MYOM3: variants seen among roughly 807,000 people sequenced by gnomAD.
MYOM3 encodes the protein myomesin-3.
In MYOM3, 155 loss-of-function variants were observed where a neutral mutation model predicts 191.7. The observed-to-expected ratio is 0.81, with a 90% CI of 0.71 to 0.92. MYOM3 has a LOEUF of 0.92. Ranked by LOEUF, MYOM3 falls within the 40% of genes least tolerant of loss-of-function variation. The pLI is 0.00. For synonymous variants in MYOM3, 757 were observed against 762.9 expected (o/e 0.99, Z 0.13); for missense variants, 1,889 against 1,890.6 (o/e 1.00, Z 0.02).
At chr1:24,102,865 C>A (rs995187479) in intron 5 of MYOM3, among the ~76,000 whole-genome samples, 4 of 152,188 alleles carry the variant, frequency 2.6e-5, no homozygotes, top group Non-Finnish European at 4.4e-5. Context: ...TAATGATAAT[C>A]ATTGAATGAA....
intron 27 of MYOM3, 40 bp from the exon 28 acceptor site, chr1:24,067,128 A>T (rs1300178314): frequency 6.4e-7 from 1 of 1,550,796 alleles, no homozygotes; most frequent in Middle Eastern, 1.7e-4. Context: ...TCAGAGAGCC[A>T]GGCTCAGCCA....
Position 24,104,568 on chromosome 1 carries a change from C to T in MYOM3, c.560+1352G>A, listed in dbSNP as rs191850522. Among the ~76,000 whole-genome samples the T allele has an allele frequency of 2.6e-3, 402 of 152,202 alleles. 1 individual carries two copies. The highest frequency in any genetic ancestry group is 8.7e-3 in the African/African-American group (362 of 41,528). On this transcript the variant is annotated intron_variant, in intron 5 of 36. Transcript: ENST00000374434. ...TCGGCTCACTGCAACCTCCGCCTCC[C>T]GGGTTCAAGCGATTCTCTTGTCTCA...
chr1:24,094,840 TG>T lies in MYOM3; in HGVS notation c.928+12del. The T allele has an allele frequency of 6.2e-7, 1 of 1,606,914 alleles. No homozygotes were observed. The highest frequency in any genetic ancestry group is 8.5e-7 in the Non-Finnish European group (1 of 1,176,088). Reference sequence around the variant, plus strand: ...AGCTCTGGAGGCTGGGGGCCAGGACTGGGGGTCCTTACCATCTCGGAACCAC... The same window carrying T: ...AGCTCTGGAGGCTGGGGGCCAGGACTGGGGTCCTTACCATCTCGGAACCAC... On this transcript the variant is annotated intron_variant, in intron 9 of 36. Coordinates refer to ENST00000374434, the MANE Select transcript of MYOM3 (RefSeq NM_152372.4).
intron 16 of MYOM3, 141 bp downstream of exon 16, chr1:24,084,327 G>T: frequency 1.2e-6 from 1 of 850,672 alleles, no homozygotes. Context: ...GTTTCCTGAG[G>T]CCTCCCCAGA....
rs1405450991 is a variant in MYOM3 at position 24,090,983 on chromosome 1, A to G, written c.1246T>C (p.Ser416Pro). The G allele has an allele frequency of 1.9e-6, 3 of 1,613,064 alleles. No homozygotes were observed. The highest frequency in any genetic ancestry group is 2.5e-6 in the Non-Finnish European group (3 of 1,179,752). ...TCATGGCAGGCGATCCATTCCCCAG[A>G]CTCGCCCTGGCACCTGTTGGAGACA... ...AYTIERCQGE[S>P]GEWIACHEAP... is the part of the protein sequence containing the mutation. The change falls in exon 12 of 37, where the codon TCT becomes CCT. Residue 416 changes from serine to proline, a missense_variant. Coordinates refer to ENST00000374434, the MANE Select transcript of MYOM3 (RefSeq NM_152372.4).
Position 24,067,084 on chromosome 1 carries a change from G to A in MYOM3, c.3360C>T (p.Pro1120=). The A allele has an allele frequency of 6.4e-7, 1 of 1,573,152 alleles. No individual in the cohort carries two copies. The highest frequency in any genetic ancestry group is 1.2e-5 in the South Asian group (1 of 86,222). The change falls in exon 28 of 37, where the codon CCC becomes CCT. Residue 1120 remains proline (P), a synonymous_variant. Transcript: ENST00000374434. ...TCCACTGCAACGGCCGCTCAAAATA[G>A]GGACCTGTGCGTGCAAAACAAATGT... is the stretch of plus-strand genomic sequence containing the variant. ...KRRDWKRKQG[P]YFERPLQWKV...
chr1:24,068,364 G>A lies in MYOM3; in HGVS notation c.3154C>T (p.Arg1052Cys), dbSNP rs1173988510. The A allele has an allele frequency of 3.1e-6, 5 of 1,614,090 alleles. No homozygotes were observed. The highest frequency in any genetic ancestry group is 1.7e-5 in the Admixed American group (1 of 60,014). Residue 1052 changes from arginine to cysteine, a missense_variant, in exon 26 of 37, where the codon CGC (arginine) becomes TGC (cysteine). By Grantham distance (180) the Arg-to-Cys change is radical. Coordinates refer to ENST00000374434, the MANE Select transcript of MYOM3 (RefSeq NM_152372.4). ...NNKEIFSSPN[R>C]KINFDREKGL... ...TTCTCTCGGTCAAAATTGATTTTGC[G>A]GTTCTGAAAAGGACAAACTCCAGAG...
Position 24,089,614 on chromosome 1 carries a change from C to A in MYOM3, c.1538G>T (p.Arg513Leu). 6.3e-7 allele frequency: 1 copy of A among 1,595,072 alleles called. No individual in the cohort carries two copies. Among genetic ancestry groups the A allele is most frequent in the Non-Finnish European group, 8.5e-7 (1 of 1,171,106 alleles). The stretch of plus-strand genomic sequence containing the variant: ...CCAGGCCAGAACCACATAGGCCTCT[C>A]GGATCTCGCTGGCATGGACATTGGT... ...PPTNVHASEI[R>L]EAYVVLAWEE... Residue 513 changes from arginine to leucine, a missense_variant, in exon 14 of 37, where the codon CGA becomes CTA. Physicochemically the swap from Arg to Leu is moderately radical, Grantham distance 102. Coordinates refer to ENST00000374434, the MANE Select transcript of MYOM3 (RefSeq NM_152372.4).
intron 25 of MYOM3, among the ~76,000 whole-genome samples, chr1:24,069,531 T>G (rs888941358): frequency 7.9e-5 from 12 of 151,928 alleles, no homozygotes; most frequent in Admixed American, 4.6e-4. Flanking sequence ...ACATGTTTTC[T>G]TTCTTCTTTT....
intron 2 of MYOM3, 51 bp from the exon 3 acceptor site, chr1:24,108,124 C>A (rs547033199): frequency 1.3e-6 from 2 of 1,565,746 alleles, no homozygotes; most frequent in African/African-American, 2.7e-5. Flanking sequence ...TGGCTGGGGG[C>A]TCCCTGAGAT....
chr1:24,077,108 C>T (rs1643611113), intron 20 of MYOM3, among the ~76,000 whole-genome samples: 1 of 152,184 alleles, frequency 6.6e-6, no homozygotes, highest in Admixed American at 6.5e-5. Context: ...CAGGTGTCAG[C>T]CACTGCACCT....
chr1:24,081,853 G>A (rs1643673349), intron 18 of MYOM3, 148 bp downstream of exon 18: 1 of 761,180 alleles, frequency 1.3e-6, no homozygotes, highest in Non-Finnish European at 2.1e-6. Context: ...TGTTCAAGGT[G>A]GGTCTGCACT....
At position 24,075,397 on chromosome 1, in the gene MYOM3, G is replaced by A. The variant is rs1266787420; in HGVS notation, c.2780C>T (p.Ser927Phe). Residue 927 changes from serine (S) to phenylalanine (F), a missense_variant, in exon 22 of 37, where the codon TCC becomes TTC. Coordinates refer to ENST00000374434, the MANE Select transcript of MYOM3 (RefSeq NM_152372.4). Reference sequence around the variant, plus strand: ...GTCTTTGGACCACTGAAACTCTGAGGAGTCGGGGGCTTCAGGGGCTTCAAA... The same window carrying A: ...GTCTTTGGACCACTGAAACTCTGAGAAGTCGGGGGCTTCAGGGGCTTCAAA... ...LAFEAPEAPD[S>F]SEFQWSKDYK... The A allele has an allele frequency of 1.2e-6, 2 of 1,612,612 alleles. No individual in the cohort carries two copies. The highest frequency in any genetic ancestry group is 1.7e-6 in the Non-Finnish European group (2 of 1,179,626).
intron 25 of MYOM3, 148 bp downstream of exon 25, chr1:24,070,969 C>G: frequency 2.0e-6 from 2 of 1,011,076 alleles, no homozygotes; most frequent in Non-Finnish European, 2.9e-6. Context: ...TGTTCCCATC[C>G]CGTCCTCATC....
rs1260492440 is a variant in MYOM3 at position 24,057,307 on chromosome 1, A to G, written c.*57T>C. ...CTGTGCCAGGCTGTGACCCTGGTAC[A>G]GGTTGTCCCTACTGGTCCATGTAGA... is the stretch of plus-strand genomic sequence containing the variant. On this transcript the variant is annotated 3_prime_UTR_variant, in exon 37 of 37. Transcript: ENST00000374434. 2.6e-6 allele frequency: 4 copies of G among 1,556,010 alleles called. No individual in the cohort carries two copies. In the Admixed American group the frequency reaches 6.9e-5, roughly 27 times the overall value.
chr1:24,098,455 A>G (rs1487626768), intron 6 of MYOM3, among the ~76,000 whole-genome samples: 1 of 152,234 alleles, frequency 6.6e-6, no homozygotes, highest in African/African-American at 2.4e-5. Context: ...ACTGAGCCAG[A>G]CACCCAGGTG....
intron 14 of MYOM3, 85 bp downstream of exon 14, chr1:24,089,453 G>C: frequency 6.2e-6 from 9 of 1,443,598 alleles, no homozygotes; most frequent in Non-Finnish European, 7.3e-6. Flanking sequence ...ATTCTCTGAC[G>C]GCCTCCCCAG....
chr1:24,074,057 T>C, intron 23 of MYOM3, 103 bp downstream of exon 23: 4 of 820,292 alleles, frequency 4.9e-6, no homozygotes, highest in South Asian at 1.6e-5. Context: ...CTGTGGAAAT[T>C]GCCACTTTAC....
At chr1:24,071,303 C>A (rs1232283098) in intron 24 of MYOM3, 50 bp from the exon 25 acceptor site, 6 of 1,564,322 alleles carry the variant, frequency 3.8e-6, no homozygotes, top group Non-Finnish European at 5.2e-6. Flanking sequence ...TTCTCCCTTT[C>A]CCGCTCCCTT....
Sources: gnomAD v4.1 joint callset for allele counts (sites outside exome capture counted in the v4.1 genomes callset) on GRCh38, gnomAD v4.1.1 for gene constraint, MANE v1.5 for transcripts, NCBI Gene and HGNC (gene_info 2026-07-23, HGNC 2026-07-21) for gene names.